NIPAL2: variants seen among roughly 807,000 people sequenced by gnomAD.
The protein encoded by NIPAL2 is NIPA like domain containing 2.
In NIPAL2, 43 loss-of-function variants were observed where a neutral mutation model predicts 48.9. The ratio of observed to expected loss-of-function variants is 0.88; its 90% CI spans 0.69 to 1.13. The LOEUF is 1.13. Ranked by LOEUF, NIPAL2 falls within the 50% of genes most tolerant of loss-of-function variation. NIPAL2 has a pLI of 0.00. For missense variants in NIPAL2, 446 were observed against 461.4 expected (o/e 0.97, Z 0.31); for synonymous variants, 167 against 174.6 (o/e 0.96, Z 0.34).
At chr8:98,251,693 T>C (rs1475597326) in intron 3 of NIPAL2, 1 of 152,224 alleles carries the variant, frequency 6.6e-6, no homozygotes, top group African/African-American at 2.4e-5. Context: ...AGGAGGAACA[T>C]TTAAATTGGG....
rs1563531576 is a variant in NIPAL2 at position 98,259,069 on chromosome 8, C to CTTTTTTTTTTTTTT, written c.136-4983_136-4982insAAAAAAAAAAAAAA. Among the ~76,000 whole-genome samples, 15 of 89,352 alleles carry CTTTTTTTTTTTTTT rather than the reference C, an allele frequency of 1.7e-4. 1 individual carries two copies. The highest frequency in any genetic ancestry group is 6.4e-4 in the African/African-American group (14 of 21,800). 58.6% of individuals were successfully genotyped at this position (89,352 alleles called of 152,430 possible). A position where few individuals can be genotyped will look rare whatever the true frequency, so the allele number is the denominator to read the frequency against. On this transcript the variant is annotated intron_variant, in intron 1 of 10. Coordinates refer to ENST00000430223, the MANE Select transcript of NIPAL2 (RefSeq NM_001321635.2). ...TTATGCTGCTGTTCCTTTAAATATTCCTTTTTTTTTTTTTTTTTTTTTTTT... is the reference window on the plus strand; with the variant it reads ...TTATGCTGCTGTTCCTTTAAATATTCTTTTTTTTTTTTTTCTTTTTTTTTTTTTTTTTTTTTTTT...
intron 8 of NIPAL2, among the ~76,000 whole-genome samples, chr8:98,202,266 C>T (rs374634369): frequency 6.6e-6 from 1 of 152,224 alleles, no homozygotes; most frequent in South Asian, 2.1e-4. Context: ...ATTGTACTGT[C>T]TGATCGAGCT....
At chr8:98,197,212 C>T (rs1403063146) in intron 8 of NIPAL2, among the ~76,000 whole-genome samples, 3 of 151,946 alleles carry the variant, frequency 2.0e-5, no homozygotes, top group Admixed American at 1.3e-4. Context: ...AAGCAAGTCA[C>T]ACTAAATTTT....
intron 3 of NIPAL2, among the ~76,000 whole-genome samples, chr8:98,236,919 T>C (rs960372496): frequency 6.6e-6 from 1 of 150,844 alleles, no homozygotes; most frequent in African/African-American, 2.4e-5. Context: ...AAACTCATGA[T>C]TTCCCAGCAT....
At chr8:98,212,236 A>G (rs1451931709) in intron 6 of NIPAL2, among the ~76,000 whole-genome samples, 169 bp downstream of exon 6, 1 of 152,210 alleles carries the variant, frequency 6.6e-6, no homozygotes, top group Non-Finnish European at 1.5e-5. Context: ...GCAGTAATGG[A>G]CAGGCAACAT....
At chr8:98,247,364 C>T (rs1301732682) in intron 3 of NIPAL2, among the ~76,000 whole-genome samples, 6 of 152,132 alleles carry the variant, frequency 3.9e-5, no homozygotes, top group Non-Finnish European at 7.3e-5. Context: ...TCACCAGTCC[C>T]CTGGGTCTCA....
intron 1 of NIPAL2, among the ~76,000 whole-genome samples, chr8:98,277,451 C>T (rs113179135): frequency 4.6e-5 from 7 of 151,964 alleles, no homozygotes; most frequent in South Asian, 4.2e-4. Context: ...ATGGGAGAAT[C>T]GCTTGAACCT....
intron 3 of NIPAL2, among the ~76,000 whole-genome samples, chr8:98,246,313 C>G (rs1454448643): frequency 6.6e-6 from 1 of 152,164 alleles, no homozygotes; most frequent in African/African-American, 2.4e-5. Context: ...TATTCCACAT[C>G]ATGAATTTTG....
At chr8:98,195,550 CT>C (rs984190096) in intron 9 of NIPAL2, 6 of 162,550 alleles carry the variant, frequency 3.7e-5, no homozygotes, top group African/African-American at 1.4e-4. Context: ...AGCAAGGGAT[CT>C]GCCCATCTTG....
chr8:98,243,313 G>C (rs1813097081), intron 3 of NIPAL2, among the ~76,000 whole-genome samples: 3 of 152,158 alleles, frequency 2.0e-5, no homozygotes, highest in Non-Finnish European at 1.5e-5. Flanking sequence ...TTCATATAAG[G>C]AAACGTACAC....
chr8:98,271,742 G>A (rs1309310167), intron 1 of NIPAL2, among the ~76,000 whole-genome samples: 2 of 152,126 alleles, frequency 1.3e-5, no homozygotes, highest in Non-Finnish European at 2.9e-5. Context: ...GGAGTGGTTA[G>A]AGTGGGCATT....
Position 98,259,069 on chromosome 8 carries a change from C to CT in NIPAL2, c.136-4983_136-4982insA, listed in dbSNP as rs1563531576. 7.8e-4 allele frequency among the ~76,000 whole-genome samples: 70 copies of CT among 89,348 alleles called. 8 individuals carry two copies. Among genetic ancestry groups the CT allele is most frequent in the African/African-American group, 2.8e-3 (62 of 21,798 alleles). The allele number at this position is 89,348 out of a possible 152,430, so 58.6% of individuals were successfully genotyped here. On this transcript the variant is annotated intron_variant, in intron 1 of 10. Transcript: ENST00000430223. ...TTATGCTGCTGTTCCTTTAAATATTCCTTTTTTTTTTTTTTTTTTTTTTTT... is the reference window on the plus strand; with the variant it reads ...TTATGCTGCTGTTCCTTTAAATATTCTCTTTTTTTTTTTTTTTTTTTTTTTT...
intron 1 of NIPAL2, among the ~76,000 whole-genome samples, chr8:98,259,576 C>T (rs941209763): frequency 6.6e-6 from 1 of 152,206 alleles, no homozygotes; most frequent in Non-Finnish European, 1.5e-5. Context: ...TGTACCTCCA[C>T]CTGTTAGGAA....
At position 98,252,516 on chromosome 8, in the gene NIPAL2, T is replaced by G. The variant is rs781445338; in HGVS notation, c.323A>C (p.Tyr108Ser). The change falls in exon 3 of 11, where the codon TAT becomes TCT. Residue 108 changes from tyrosine (Y) to serine (S), a missense_variant. Physicochemically the swap from Tyr to Ser is moderately radical, Grantham distance 144. Coordinates refer to ENST00000430223, the MANE Select transcript of NIPAL2 (RefSeq NM_001321635.2). ...AVGETGNFAA[Y>S]GFAPITLIAP... ...GATCAGAGTAATGGGAGCAAATCCA[T>G]AGGCTGCAAAGTTCCCCGTCTCTCC... The G allele has an allele frequency of 3.1e-6, 5 of 1,614,072 alleles. No individual in the cohort carries two copies. Among genetic ancestry groups the G allele is most frequent in the Middle Eastern group, 3.3e-4 (2 of 6,046 alleles).
chr8:98,250,859 A>G (rs1047533247), intron 3 of NIPAL2, among the ~76,000 whole-genome samples: 10 of 152,016 alleles, frequency 6.6e-5, no homozygotes, highest in Non-Finnish European at 2.9e-5. Context: ...AGGTGGGCAG[A>G]CTCACAGGCA....
At position 98,268,751 on chromosome 8, in the gene NIPAL2, CAA is replaced by C. The variant is rs1814936768; in HGVS notation, c.136-14666_136-14665del. ...GACCACCACAATAAAGTGAGTCACA[CAA>C]AGTCTTTGGTTTCCCAGTGCATACA... On this transcript the variant is annotated intron_variant, in intron 1 of 10. Coordinates refer to ENST00000430223, the MANE Select transcript of NIPAL2 (RefSeq NM_001321635.2). Among the ~76,000 whole-genome samples the C allele has an allele frequency of 5.9e-5, 9 of 152,190 alleles. No individual in the cohort carries two copies. In the South Asian group the frequency reaches 1.7e-3, roughly 28 times the overall value.
At chr8:98,270,456 G>A (rs567334904) in intron 1 of NIPAL2, among the ~76,000 whole-genome samples, 2 of 152,000 alleles carry the variant, frequency 1.3e-5, no homozygotes, top group East Asian at 1.9e-4. Context: ...CATTTTTTCC[G>A]TGTTTGTTAG....
intron 5 of NIPAL2, among the ~76,000 whole-genome samples, chr8:98,221,743 T>A (rs989924716): frequency 6.6e-6 from 1 of 152,136 alleles, no homozygotes; most frequent in Non-Finnish European, 1.5e-5. Context: ...CACAGTGAGA[T>A]ACCATCTCAC....
chr8:98,257,527 G>A (rs1813977546), intron 1 of NIPAL2, among the ~76,000 whole-genome samples: 2 of 151,956 alleles, frequency 1.3e-5, no homozygotes, highest in Admixed American at 1.3e-4. Flanking sequence ...TAAGTGCCGG[G>A]ATTACGGGTG....
Sources: gnomAD v4.1 joint callset for allele counts (sites outside exome capture counted in the v4.1 genomes callset) on GRCh38, gnomAD v4.1.1 for gene constraint, MANE v1.5 for transcripts, NCBI Gene and HGNC (gene_info 2026-07-23, HGNC 2026-07-21) for gene names.